The following SGCZ variants were observed in gnomAD, a reference collection of about 807,000 sequenced individuals.
SGCZ encodes the protein zeta-sarcoglycan.
In SGCZ, 40 loss-of-function variants were observed where a neutral mutation model predicts 41.3. The observed-to-expected ratio is 0.97, with a 90% CI of 0.75 to 1.26. The LOEUF (loss-of-function observed/expected upper bound fraction) is 1.26, where lower values mean the gene tolerates loss of function less well. Ranked by LOEUF, SGCZ falls within the 50% of genes most tolerant of loss-of-function variation. The probability of loss-of-function intolerance (pLI) is 0.00; values close to 1 mark genes in which losing one functional copy is unlikely to be tolerated. For missense variants in SGCZ, 552 were observed against 369.8 expected, an observed-to-expected ratio of 1.49 and a Z score of -4.04; for synonymous variants, 206 against 137.5, an observed-to-expected ratio of 1.50 and a Z score of -3.49.
intron 1 of SGCZ, among the ~76,000 whole-genome samples, chr8:14,678,397 AAAG>A (rs1250110774): frequency 6.6e-6 from 1 of 152,214 alleles, no homozygotes; most frequent in African/African-American, 2.4e-5. Context: ...ACACTTCACC[AAAG>A]AAGATGTACC....
chr8:14,772,474 A>T (rs1474661758), intron 1 of SGCZ, among the ~76,000 whole-genome samples: 1 of 151,056 alleles, frequency 6.6e-6, no homozygotes, highest in African/African-American at 2.4e-5. Context: ...CATGTGCACG[A>T]TGTGCAGGTT....
chr8:14,663,228 A>T (rs1807811451), intron 1 of SGCZ, among the ~76,000 whole-genome samples: 1 of 152,164 alleles, frequency 6.6e-6, no homozygotes, highest in Non-Finnish European at 1.5e-5. Flanking sequence ...CCTTGGTATG[A>T]TTTTGAAAAT....
intron 1 of SGCZ, among the ~76,000 whole-genome samples, chr8:14,712,926 G>A (rs1159109147): frequency 6.6e-6 from 1 of 151,900 alleles, no homozygotes; most frequent in Admixed American, 6.6e-5. Context: ...AAACCAATTA[G>A]GAGACTGAGC....
rs10532441 is a variant in SGCZ at position 14,860,708 on chromosome 8, GAGAAAGAA to G, written c.40-305790_40-305783del. On this transcript the variant is annotated intron_variant, in intron 1 of 7. Transcript: ENST00000382080. Reference sequence around the variant, plus strand: ...AGAAAGAAAGAAGGAAAGAAAGAAAGAGAAAGAAAGAAAGAAAGAAAGAAAGAAAGTAA... The same window carrying G: ...AGAAAGAAAGAAGGAAAGAAAGAAAGAGAAAGAAAGAAAGAAAGAAAGTAA... Among the ~76,000 whole-genome samples, 553 of 132,768 alleles carry G rather than the reference GAGAAAGAA, an allele frequency of 4.2e-3. 3 individuals are homozygous for G. The highest frequency in any genetic ancestry group is 6.6e-3 in the African/African-American group (217 of 32,650). The allele number at this position is 132,768 out of a possible 152,430, so 87.1% of individuals were successfully genotyped here.
chr8:14,922,255 T>C (rs1459316479), intron 1 of SGCZ, among the ~76,000 whole-genome samples: 1 of 152,044 alleles, frequency 6.6e-6, no homozygotes, highest in African/African-American at 2.4e-5. Flanking sequence ...TAGGCACTTA[T>C]TCTTGGGCTA....
chr8:14,212,723 C>A (rs893846813), intron 4 of SGCZ, among the ~76,000 whole-genome samples: 4 of 152,050 alleles, frequency 2.6e-5, no homozygotes, highest in African/African-American at 9.7e-5. Context: ...AAAAGACAAA[C>A]AACTGAAGCC....
At chr8:14,412,150 A>C (rs771057814) in intron 2 of SGCZ, among the ~76,000 whole-genome samples, 1 of 152,096 alleles carries the variant, frequency 6.6e-6, no homozygotes, top group Non-Finnish European at 1.5e-5. Flanking sequence ...TGACAATGAG[A>C]AATAGTAATG....
intron 1 of SGCZ, among the ~76,000 whole-genome samples, chr8:15,214,495 CTT>C (rs1801336188): frequency 6.6e-6 from 1 of 152,046 alleles, no homozygotes; most frequent in Non-Finnish European, 1.5e-5. Flanking sequence ...ATATAAATCA[CTT>C]ATATAATATC....
intron 2 of SGCZ, among the ~76,000 whole-genome samples, chr8:14,552,107 T>C (rs936497385): frequency 2.0e-5 from 3 of 152,004 alleles, no homozygotes; most frequent in African/African-American, 7.2e-5. Context: ...CTTCTTACTA[T>C]AGTGTGGCAA....
chr8:14,529,837 G>C (rs1480771572), intron 2 of SGCZ, among the ~76,000 whole-genome samples: 1 of 151,908 alleles, frequency 6.6e-6, no homozygotes, highest in African/African-American at 2.4e-5. Flanking sequence ...TTATTGTAAA[G>C]ATAATAAAAT....
intron 1 of SGCZ, among the ~76,000 whole-genome samples, chr8:14,821,928 A>G (rs1205973925): frequency 6.6e-6 from 1 of 152,118 alleles, no homozygotes; most frequent in Non-Finnish European, 1.5e-5. Context: ...ACTTTTCACC[A>G]CTTCTTTTCA....
chr8:14,593,221 T>C (rs1479196881), intron 1 of SGCZ, among the ~76,000 whole-genome samples: 1 of 152,060 alleles, frequency 6.6e-6, no homozygotes, highest in African/African-American at 2.4e-5. Context: ...CAAAGCTCCG[T>C]TGTAAAAGGA....
At chr8:14,660,470 G>C (rs1383110114) in intron 1 of SGCZ, among the ~76,000 whole-genome samples, 4 of 151,072 alleles carry the variant, frequency 2.6e-5, no homozygotes, top group African/African-American at 9.8e-5. Context: ...TACCTGGGAG[G>C]GTGAGGCAGG....
chr8:15,041,697 A>G (rs1014332461), intron 1 of SGCZ, among the ~76,000 whole-genome samples: 1 of 147,608 alleles, frequency 6.8e-6, no homozygotes, highest in African/African-American at 2.4e-5. Context: ...TCTAAGTGTG[A>G]ATACACACAT....
chr8:14,112,257 A>G (rs73217932), intron 5 of SGCZ, among the ~76,000 whole-genome samples: 20,283 of 140,734 alleles, frequency 0.14, 1,637 homozygotes, highest in African/African-American at 0.23. Context: ...AACTATGATC[A>G]TGAATTTTTT....
intron 1 of SGCZ, among the ~76,000 whole-genome samples, chr8:15,051,136 C>G (rs935348129): frequency 6.6e-6 from 1 of 152,090 alleles, no homozygotes; most frequent in East Asian, 1.9e-4. Flanking sequence ...CCTTCTTCAC[C>G]TGCAGAAATT....
intron 2 of SGCZ, among the ~76,000 whole-genome samples, chr8:14,551,572 A>ATATATAT (rs1803856445): frequency 2.6e-4 from 4 of 15,650 alleles, no homozygotes; most frequent in African/African-American, 1.8e-3. Flanking sequence ...TATATATAAT[A>ATATATAT]TATATATAAT....
intron 1 of SGCZ, among the ~76,000 whole-genome samples, chr8:15,076,935 A>T (rs1357195261): frequency 6.6e-6 from 1 of 152,116 alleles, no homozygotes; most frequent in African/African-American, 2.4e-5. Flanking sequence ...GCTTCATGTC[A>T]ATTGATTGGG....
At chr8:14,730,194 T>G (rs931171131) in intron 1 of SGCZ, among the ~76,000 whole-genome samples, 1 of 152,230 alleles carries the variant, frequency 6.6e-6, no homozygotes, top group Non-Finnish European at 1.5e-5. Context: ...GGTGAGAAGT[T>G]TTCTGGAGTG....
Sources: gnomAD v4.1 joint callset for allele counts (sites outside exome capture counted in the v4.1 genomes callset) on GRCh38, gnomAD v4.1.1 for gene constraint, MANE v1.5 for transcripts, NCBI Gene and HGNC (gene_info 2026-07-23, HGNC 2026-07-21) for gene names.